The following ATP8A2 variants were observed in gnomAD, a reference collection of about 807,000 sequenced individuals.
ATP8A2 encodes ATPase phospholipid transporting 8A2.
ATP8A2 carries 100 observed loss-of-function variants against 165.6 expected under a neutral mutation model. That is an observed-to-expected ratio of 0.60 (90% confidence interval 0.51 to 0.71). The LOEUF is 0.71. Ranked by LOEUF, ATP8A2 falls within the 30% of genes least tolerant of loss-of-function variation. The pLI is 0.00. For synonymous variants in ATP8A2, 543 were observed against 548.8 expected (o/e 0.99, Z 0.15); for missense variants, 1,227 against 1,479.5 (o/e 0.83, Z 2.80).
intron 33 of ATP8A2, chr13:25,871,109 G>GTT: frequency 6.9e-6 from 2 of 288,996 alleles, no homozygotes; most frequent in Non-Finnish European, 1.4e-5. Context: ...TTGATTGAGT[G>GTT]GTTTTTTTTT....
In ATP8A2 at chr13:25,391,949, A is replaced by G. The variant is rs970289373; in HGVS notation, c.76+19661A>G. Reference sequence around the variant, plus strand: ...ATCTATCACACTTTGATATAAATGCATGCATATAAAAGTCAAACTATCAGA... The same window carrying G: ...ATCTATCACACTTTGATATAAATGCGTGCATATAAAAGTCAAACTATCAGA... On this transcript the variant is annotated intron_variant, in intron 1 of 36. Transcript: ENST00000381655. Among the ~76,000 whole-genome samples the G allele has an allele frequency of 1.3e-5, 2 of 152,266 alleles. 1 individual carries two copies. Among genetic ancestry groups the G allele is most frequent in the South Asian group, 4.1e-4 (2 of 4,838 alleles).
At chr13:25,814,826 G>T (rs1254484114) in intron 27 of ATP8A2, among the ~76,000 whole-genome samples, 1 of 152,062 alleles carries the variant, frequency 6.6e-6, no homozygotes, top group African/African-American at 2.4e-5. Flanking sequence ...GACCAGTCTG[G>T]GCAACGTGGT....
rs371805705 is a variant in ATP8A2 at position 25,872,319 on chromosome 13, G to A, written c.3183+9911G>A. Among the ~76,000 whole-genome samples the A allele has an allele frequency of 2.0e-4, 31 of 152,230 alleles. No homozygotes were observed. The South Asian group carries it at 6.4e-3, about 32-fold the overall frequency. On this transcript the variant is annotated intron_variant, in intron 33 of 36. Transcript: ENST00000381655. The stretch of plus-strand genomic sequence containing the variant: ...GACGGTGTCAGCCTGGAGCGGCTAG[G>A]ACACCCTGCAGAAGGTGGCTGGCTG...
At chr13:25,764,523 G>C (rs2044450777) in intron 25 of ATP8A2, among the ~76,000 whole-genome samples, 1 of 152,188 alleles carries the variant, frequency 6.6e-6, no homozygotes, top group South Asian at 2.1e-4. Flanking sequence ...GGTGACTTGA[G>C]TATGGTCCAG....
At chr13:25,619,499 A>C (rs974622517) in intron 24 of ATP8A2, among the ~76,000 whole-genome samples, 1 of 152,232 alleles carries the variant, frequency 6.6e-6, no homozygotes, top group East Asian at 1.9e-4. Context: ...TCGAATAACC[A>C]GATATAGAAT....
At chr13:25,913,606 T>C (rs965668302) in intron 33 of ATP8A2, among the ~76,000 whole-genome samples, 1 of 152,130 alleles carries the variant, frequency 6.6e-6, no homozygotes, top group Non-Finnish European at 1.5e-5. Flanking sequence ...TAGAGCATCC[T>C]TTAGGCTTCA....
At chr13:25,943,627 C>A (rs1955132595) in intron 33 of ATP8A2, among the ~76,000 whole-genome samples, 1 of 152,198 alleles carries the variant, frequency 6.6e-6, no homozygotes, top group African/African-American at 2.4e-5. Flanking sequence ...AAATGTGTCT[C>A]TATTGTTAAG....
At chr13:25,930,620 T>C (rs1954745619) in intron 33 of ATP8A2, among the ~76,000 whole-genome samples, 1 of 152,238 alleles carries the variant, frequency 6.6e-6, no homozygotes, top group South Asian at 2.1e-4. Context: ...GTTAACATGT[T>C]TCCCCTTCCC....
chr13:25,664,054 C>G (rs7337428), intron 24 of ATP8A2, among the ~76,000 whole-genome samples: 36,802 of 151,746 alleles, frequency 0.24, 4,890 homozygotes, highest in South Asian at 0.47. Flanking sequence ...ACAAAAAATA[C>G]AAAAATTAGG....
At position 25,975,831 on chromosome 13, in the gene ATP8A2, A is replaced by G. The variant is rs541206067; in HGVS notation, c.3377+7152A>G. On this transcript the variant is annotated intron_variant, in intron 35 of 36. Coordinates refer to ENST00000381655, the MANE Select transcript of ATP8A2 (RefSeq NM_016529.6). ...ATCTCTAAATATTCCACGAGACTTT[A>G]TAACATCTGTGATACACAGCATGCT... Among the ~76,000 whole-genome samples, 7 of 152,306 alleles carry G rather than the reference A, an allele frequency of 4.6e-5. No individual in the cohort carries two copies. The East Asian group carries it at 1.2e-3, about 25-fold the overall frequency.
At chr13:25,826,652 G>A (rs939637982) in intron 27 of ATP8A2, among the ~76,000 whole-genome samples, 5 of 152,136 alleles carry the variant, frequency 3.3e-5, no homozygotes, top group African/African-American at 1.2e-4. Flanking sequence ...CCACAGCAGC[G>A]GTCTCTGTCT....
At chr13:25,375,668 GT>G (rs2032596958) in intron 1 of ATP8A2, among the ~76,000 whole-genome samples, 1 of 151,776 alleles carries the variant, frequency 6.6e-6, no homozygotes, top group African/African-American at 2.4e-5. Flanking sequence ...CGCCTCCCGG[GT>G]TCAAGCAATT....
intron 2 of ATP8A2, among the ~76,000 whole-genome samples, chr13:25,480,402 G>C (rs1207062416): frequency 6.6e-6 from 1 of 151,728 alleles, no homozygotes; most frequent in Non-Finnish European, 1.5e-5. Context: ...TCTCAGACGG[G>C]GCGGTTGCCA....
chr13:25,659,135 C>T (rs2041996582), intron 24 of ATP8A2, among the ~76,000 whole-genome samples: 1 of 152,180 alleles, frequency 6.6e-6, no homozygotes, highest in African/African-American at 2.4e-5. Context: ...CTCTTCACTC[C>T]CTGGAAGAGC....
intron 28 of ATP8A2, among the ~76,000 whole-genome samples, chr13:25,829,174 G>A (rs1951393181): frequency 6.6e-6 from 1 of 152,204 alleles, no homozygotes. Context: ...TGCAGGTTAA[G>A]AGGGTCAAAT....
intron 2 of ATP8A2, among the ~76,000 whole-genome samples, chr13:25,490,654 T>C (rs4769426): frequency 0.35 from 52,564 of 152,058 alleles, 10,140 homozygotes; most frequent in East Asian, 0.88. Context: ...AGCAGTAACA[T>C]TCTCCTCCCT....
At chr13:25,932,194 C>A (rs183953284) in intron 33 of ATP8A2, among the ~76,000 whole-genome samples, 1 of 152,200 alleles carries the variant, frequency 6.6e-6, no homozygotes, top group African/African-American at 2.4e-5. Context: ...GCTGGCTGAG[C>A]AGATGTTGTG....
At chr13:26,005,826 T>A (rs191969457) in intron 35 of ATP8A2, among the ~76,000 whole-genome samples, 1 of 152,066 alleles carries the variant, frequency 6.6e-6, no homozygotes, top group African/African-American at 2.4e-5. Flanking sequence ...TGACCATTGA[T>A]GTATGGGTTT....
At chr13:25,806,929 G>T (rs1432448196) in intron 27 of ATP8A2, among the ~76,000 whole-genome samples, 1 of 152,086 alleles carries the variant, frequency 6.6e-6, no homozygotes, top group African/African-American at 2.4e-5. Flanking sequence ...TGATGAGTAA[G>T]GATGTTAAAC....
Sources: allele counts gnomAD v4.1 joint callset (sites outside exome capture counted in the v4.1 genomes callset), GRCh38; gene constraint gnomAD v4.1.1; transcripts MANE v1.5; gene names NCBI Gene and HGNC (gene_info 2026-07-23, HGNC 2026-07-21).